The following MAGI2 variants were observed in gnomAD, a reference collection of about 807,000 sequenced individuals.
The protein encoded by MAGI2 is membrane-associated guanylate kinase, WW and PDZ domain-containing protein 2.
A neutral mutation model predicts 133.3 loss-of-function variants in MAGI2; 35 were observed. The observed-to-expected ratio is 0.26, with a 90% CI of 0.20 to 0.35. The LOEUF (loss-of-function observed/expected upper bound fraction) is 0.35. Ranked by LOEUF, MAGI2 falls within the 10% of genes least tolerant of loss-of-function variation. MAGI2 has a pLI of 1.00. For missense variants in MAGI2, 1,636 were observed against 1,863.4 expected (o/e 0.88, Z 2.25); for synonymous variants, 729 against 710.6 (o/e 1.03, Z -0.41).
At chr7:78,696,754 A>G (rs1355268358) in intron 2 of MAGI2, among the ~76,000 whole-genome samples, 1 of 152,118 alleles carries the variant, frequency 6.6e-6, no homozygotes, top group African/African-American at 2.4e-5. Flanking sequence ...TTTCATGTCC[A>G]CTTTAACAGG....
rs188252491 is a variant in MAGI2, at chr7:78,931,003, T to C, written c.418+76087A>G. Among the ~76,000 whole-genome samples, 14 of 152,216 alleles carry C rather than the reference T, an allele frequency of 9.2e-5. No homozygotes were observed. In the East Asian group the frequency reaches 2.5e-3, roughly 27 times the overall value. On this transcript the variant is annotated intron_variant, in intron 2 of 21. Coordinates refer to ENST00000354212, the MANE Select transcript of MAGI2 (RefSeq NM_012301.4). ...TTTAGGAGGATGGAAAATATTGCTA[T>C]CTTTGCAGATAGGAGTAGAAGAAAA... is the stretch of plus-strand genomic sequence containing the variant.
intron 9 of MAGI2, among the ~76,000 whole-genome samples, chr7:78,302,662 C>A (rs1391119884): frequency 6.6e-6 from 1 of 152,130 alleles, no homozygotes; most frequent in South Asian, 2.1e-4. Context: ...TCAGGCACTG[C>A]CCCTGGTGCT....
At chr7:79,064,742 G>C (rs1814130958) in intron 1 of MAGI2, among the ~76,000 whole-genome samples, 1 of 152,016 alleles carries the variant, frequency 6.6e-6, no homozygotes, top group South Asian at 2.1e-4. Context: ...ATGAATTTTA[G>C]CAGGGTCATT....
At chr7:78,783,949 C>T (rs1826599100) in intron 2 of MAGI2, among the ~76,000 whole-genome samples, 1 of 152,044 alleles carries the variant, frequency 6.6e-6, no homozygotes, top group Admixed American at 6.6e-5. Context: ...ACGGAAACAC[C>T]CGTTTTCTTC....
chr7:79,265,171 C>A (rs533702753), intron 1 of MAGI2, among the ~76,000 whole-genome samples: 1 of 152,232 alleles, frequency 6.6e-6, no homozygotes, highest in South Asian at 2.1e-4. Context: ...GGCTCAAGAT[C>A]AGCAGCACCA....
At chr7:78,638,879 A>G (rs1369343315) in intron 2 of MAGI2, among the ~76,000 whole-genome samples, 2 of 152,158 alleles carry the variant, frequency 1.3e-5, no homozygotes, top group Non-Finnish European at 2.9e-5. Flanking sequence ...TTGATTCCCT[A>G]ATTTATTATT....
chr7:79,117,406 C>T (rs1819501014), intron 1 of MAGI2, among the ~76,000 whole-genome samples: 1 of 152,076 alleles, frequency 6.6e-6, no homozygotes, highest in Non-Finnish European at 1.5e-5. Context: ...AAAAATCTGA[C>T]ACTGTAGGCA....
rs199911433 is a variant in MAGI2 at position 79,066,181 on chromosome 7, T to G, written c.302-58975A>C. Among the ~76,000 whole-genome samples, 30 of 152,236 alleles carry G rather than the reference T, an allele frequency of 2.0e-4. No individual in the cohort carries two copies. In the East Asian group the frequency reaches 5.0e-3, roughly 26 times the overall value. On this transcript the variant is annotated intron_variant, in intron 1 of 21. Transcript: ENST00000354212. ...AACTAATTTACACTCCCACCAACAG[T>G]GTAAATGCATTCCCGTTTCTCCACA...
chr7:78,910,805 T>C (rs553747541), intron 2 of MAGI2, among the ~76,000 whole-genome samples: 27 of 152,366 alleles, frequency 1.8e-4, no homozygotes, highest in African/African-American at 6.5e-4. Flanking sequence ...GGAAAGGTTC[T>C]ATTCTTGAGC....
chr7:78,193,474 C>T (rs1230619127), intron 12 of MAGI2, among the ~76,000 whole-genome samples: 1 of 152,156 alleles, frequency 6.6e-6, no homozygotes, highest in Non-Finnish European at 1.5e-5. Context: ...TTGGTATCTC[C>T]TCACAGTGCT....
intron 9 of MAGI2, among the ~76,000 whole-genome samples, chr7:78,334,385 A>G (rs1261157585): frequency 1.3e-5 from 2 of 152,202 alleles, no homozygotes; most frequent in Non-Finnish European, 2.9e-5. Context: ...TAATAATGCT[A>G]TGGGATAGAA....
chr7:78,592,811 G>A (rs1438788808), intron 3 of MAGI2, among the ~76,000 whole-genome samples: 2 of 140,496 alleles, frequency 1.4e-5, no homozygotes, highest in Non-Finnish European at 3.1e-5. Flanking sequence ...CATGCCCTCC[G>A]AAAAATTACT....
At chr7:78,260,565 C>G (rs1793421718) in intron 9 of MAGI2, among the ~76,000 whole-genome samples, 1 of 152,048 alleles carries the variant, frequency 6.6e-6, no homozygotes, top group South Asian at 2.1e-4. Context: ...ATTTTTTCTC[C>G]ATAAAAATAA....
At chr7:78,306,379 C>T (rs541083448) in intron 9 of MAGI2, among the ~76,000 whole-genome samples, 10 of 152,128 alleles carry the variant, frequency 6.6e-5, no homozygotes, top group Non-Finnish European at 1.2e-4. Context: ...AACAGCACTT[C>T]GATAAGTTAT....
At chr7:78,360,315 G>T (rs1224986954) in intron 7 of MAGI2, among the ~76,000 whole-genome samples, 1 of 151,922 alleles carries the variant, frequency 6.6e-6, no homozygotes, top group Non-Finnish European at 1.5e-5. Context: ...CAACACCAAA[G>T]GAAAAAAAAG....
intron 2 of MAGI2, among the ~76,000 whole-genome samples, chr7:78,708,362 G>A (rs1024294498): frequency 6.6e-6 from 1 of 152,100 alleles, no homozygotes; most frequent in Admixed American, 6.6e-5. Context: ...GGTTTAGGTT[G>A]CCAATAAAAT....
intron 2 of MAGI2, among the ~76,000 whole-genome samples, chr7:78,699,216 C>T (rs1306800195): frequency 6.6e-6 from 1 of 152,100 alleles, no homozygotes; most frequent in Non-Finnish European, 1.5e-5. Context: ...CTCAAACAAT[C>T]CTCCCACCTC....
chr7:79,164,058 A>G (rs573896669), intron 1 of MAGI2, among the ~76,000 whole-genome samples: 1 of 152,076 alleles, frequency 6.6e-6, no homozygotes, highest in Non-Finnish European at 1.5e-5. Context: ...CCATCAAATC[A>G]GACAACTCTA....
chr7:79,199,594 TTAAA>T (rs1828406637), intron 1 of MAGI2, among the ~76,000 whole-genome samples: 1 of 152,082 alleles, frequency 6.6e-6, no homozygotes, highest in African/African-American at 2.4e-5. Context: ...CATTCCTGTA[TTAAA>T]TAAAGTAAGT....
Sources: allele counts gnomAD v4.1 joint callset (sites outside exome capture counted in the v4.1 genomes callset), GRCh38; gene constraint gnomAD v4.1.1; transcripts MANE v1.5; gene names NCBI Gene and HGNC (gene_info 2026-07-23, HGNC 2026-07-21).